FAM53B: variants seen among roughly 807,000 people sequenced by gnomAD.
The protein encoded by FAM53B is family with sequence similarity 53 member B, also known as protein FAM53B.
Under a neutral mutation model 32.7 loss-of-function variants are expected in FAM53B, and 12 were observed. The ratio of observed to expected loss-of-function variants is 0.37; its 90% CI spans 0.24 to 0.59. The LOEUF (loss-of-function observed/expected upper bound fraction) is 0.59, where lower values mean the gene tolerates loss of function less well. Among genes scored for constraint, FAM53B ranks in the 20% least tolerant of loss-of-function variants. The probability of loss-of-function intolerance (pLI) is 0.72; values close to 1 mark genes in which losing one functional copy is unlikely to be tolerated. For missense variants in FAM53B, 477 were observed against 577.7 expected (o/e 0.83, Z 1.79); for synonymous variants, 234 against 228.7 (o/e 1.02, Z -0.21).
At chr10:124,723,655 G>A (rs1036326447) in intron 1 of FAM53B, among the ~76,000 whole-genome samples, 2 of 152,218 alleles carry the variant, frequency 1.3e-5, no homozygotes, top group African/African-American at 4.8e-5. Flanking sequence ...TTAGGAGGAA[G>A]AGTCTTGCTG....
chr10:124,698,808 C>T (rs1376925324), intron 2 of FAM53B, among the ~76,000 whole-genome samples: 1 of 152,146 alleles, frequency 6.6e-6, no homozygotes, highest in African/African-American at 2.4e-5. Context: ...CTTCTTAAAG[C>T]AGAGATCAGA....
rs1949293931 is a variant in FAM53B at position 124,619,758 on chromosome 10, TG to T, written c.*3483del. 1.3e-5 allele frequency: 2 copies of T among 152,782 alleles called. No homozygotes were observed. The highest frequency in any genetic ancestry group is 4.1e-4 in the South Asian group (2 of 4,824). 9.5% of individuals were successfully genotyped at this position (152,782 alleles called of 1,614,324 possible). A position where few individuals can be genotyped will look rare whatever the true frequency, so the allele number is the denominator to read the frequency against. ...GCAAGGTGTGGCATCATTGCCAGTG[TG>T]GGGCCAGAGGGTGCCCGAGCCCCGG... On this transcript the variant is annotated 3_prime_UTR_variant, in exon 5 of 5. Coordinates refer to ENST00000337318, the MANE Select transcript of FAM53B (RefSeq NM_014661.4).
At chr10:124,667,232 G>C in intron 4 of FAM53B, 1 of 565,624 alleles carries the variant, frequency 1.8e-6, no homozygotes, top group East Asian at 3.1e-5. Flanking sequence ...ATGTGGAAAT[G>C]ATAGTATTTT....
At chr10:124,719,628 AGCTGT>A (rs1351848181) in intron 1 of FAM53B, among the ~76,000 whole-genome samples, 1 of 152,180 alleles carries the variant, frequency 6.6e-6, no homozygotes, top group Non-Finnish European at 1.5e-5. Context: ...CTGCGGCTAT[AGCTGT>A]CACTGTCCCC....
At chr10:124,714,771 A>AAG (rs1376042565) in intron 1 of FAM53B, among the ~76,000 whole-genome samples, 3 of 151,950 alleles carry the variant, frequency 2.0e-5, no homozygotes, top group Admixed American at 6.6e-5. Context: ...AAAAAAAAAA[A>AAG]AAAAAAAAGA....
At position 124,619,647 on chromosome 10, in the gene FAM53B, T is replaced by C. The variant is rs1440780746; in HGVS notation, c.*3595A>G. 6.7e-6 allele frequency: 1 copy of C among 150,272 alleles called. No homozygotes were observed. The highest frequency in any genetic ancestry group is 2.0e-4 in the East Asian group (1 of 5,096). The allele number at this position is 150,272 out of a possible 1,614,324, so 9.3% of individuals were successfully genotyped here. ...CTAGGCTACAAGATCTCCACTTCGG[T>C]CTGCCATTAAAAAAAAAAAAAATCT... On this transcript the variant is annotated 3_prime_UTR_variant, in exon 5 of 5. Coordinates refer to ENST00000337318, the MANE Select transcript of FAM53B (RefSeq NM_014661.4).
chr10:124,627,528 C>A (rs1377391179), intron 4 of FAM53B, among the ~76,000 whole-genome samples: 4 of 152,028 alleles, frequency 2.6e-5, no homozygotes, highest in African/African-American at 9.6e-5. Context: ...TGACATCCAG[C>A]CCCAGCCCTG....
At chr10:124,728,449 G>C (rs1950121620) in intron 1 of FAM53B, among the ~76,000 whole-genome samples, 1 of 152,308 alleles carries the variant, frequency 6.6e-6, no homozygotes, top group Middle Eastern at 3.4e-3. Context: ...CCCACGAGGT[G>C]GGGTAGGGAA....
intron 3 of FAM53B, among the ~76,000 whole-genome samples, chr10:124,687,751 G>A (rs538054190): frequency 1.3e-5 from 2 of 152,278 alleles, no homozygotes; most frequent in Non-Finnish European, 2.9e-5. Context: ...GAGTCTCTCT[G>A]GGTAGGCATT....
chr10:124,710,886 T>C (rs539859343), intron 1 of FAM53B, among the ~76,000 whole-genome samples: 6 of 152,278 alleles, frequency 3.9e-5, no homozygotes, highest in African/African-American at 1.4e-4. Context: ...AGGACTGCAC[T>C]TCCCACCATG....
At chr10:124,696,518 G>C (rs950407633) in intron 2 of FAM53B, among the ~76,000 whole-genome samples, 1 of 152,172 alleles carries the variant, frequency 6.6e-6, no homozygotes, top group Non-Finnish European at 1.5e-5. Flanking sequence ...GGCGGCCCGG[G>C]GGCAGGATGG....
chr10:124,631,521 C>T (rs143367273), intron 4 of FAM53B, among the ~76,000 whole-genome samples: 87 of 152,276 alleles, frequency 5.7e-4, no homozygotes, highest in African/African-American at 1.9e-3. Context: ...TTACTCATAA[C>T]GGAGCCCTAG....
intron 1 of FAM53B, among the ~76,000 whole-genome samples, chr10:124,719,795 T>C (rs1589763094): frequency 6.6e-6 from 1 of 152,296 alleles, no homozygotes; most frequent in African/African-American, 2.4e-5. Flanking sequence ...CACCTCGCTG[T>C]GGAAAGGGGT....
chr10:124,710,759 C>T (rs2134088982), intron 1 of FAM53B, among the ~76,000 whole-genome samples: 1 of 152,328 alleles, frequency 6.6e-6, no homozygotes, highest in Non-Finnish European at 1.5e-5. Flanking sequence ...GTACCAGGCG[C>T]TTTACACACA....
intron 4 of FAM53B, among the ~76,000 whole-genome samples, chr10:124,669,485 G>A (rs987960303): frequency 4.6e-5 from 7 of 152,190 alleles, no homozygotes; most frequent in Non-Finnish European, 2.9e-5. Flanking sequence ...GGGCCACCGG[G>A]GATTCACTGA....
At chr10:124,668,427 A>G (rs957804298) in intron 4 of FAM53B, among the ~76,000 whole-genome samples, 2 of 152,284 alleles carry the variant, frequency 1.3e-5, no homozygotes, top group African/African-American at 4.8e-5. Flanking sequence ...TCTAGATTAC[A>G]GTGAGATGGA....
chr10:124,647,490 G>A (rs1317089675), intron 4 of FAM53B, among the ~76,000 whole-genome samples: 2 of 152,198 alleles, frequency 1.3e-5, no homozygotes, highest in Admixed American at 6.5e-5. Context: ...AGAAGAAAAG[G>A]AAAGCTGTCG....
intron 1 of FAM53B, among the ~76,000 whole-genome samples, chr10:124,736,124 C>T (rs539718255): frequency 1.3e-5 from 2 of 152,252 alleles, no homozygotes; most frequent in African/African-American, 2.4e-5. Flanking sequence ...CAAGGCACTA[C>T]GCCCATTGCA....
intron 4 of FAM53B, among the ~76,000 whole-genome samples, chr10:124,634,238 A>G (rs2134040335): frequency 2.6e-5 from 4 of 152,364 alleles, no homozygotes; most frequent in Middle Eastern, 6.8e-3. Flanking sequence ...GAAAGGAGAT[A>G]CTGATACATG....
Sources: allele counts gnomAD v4.1 joint callset (sites outside exome capture counted in the v4.1 genomes callset), GRCh38; gene constraint gnomAD v4.1.1; transcripts MANE v1.5; gene names NCBI Gene and HGNC (gene_info 2026-07-23, HGNC 2026-07-21).